RC3H1: variants seen among roughly 807,000 people sequenced by gnomAD.
RC3H1 encodes roquin-1.
RC3H1 carries 50 observed loss-of-function variants against 138.2 expected under a neutral mutation model. The ratio of observed to expected loss-of-function variants is 0.36; its 90% CI spans 0.29 to 0.46. The LOEUF is 0.46. Ranked by LOEUF, RC3H1 falls within the 20% of genes least tolerant of loss-of-function variation. The probability of loss-of-function intolerance (pLI) is 1.00; values close to 1 mark genes in which losing one functional copy is unlikely to be tolerated. For synonymous variants in RC3H1, 462 were observed against 489.1 expected (o/e 0.94, Z 0.73); for missense variants, 1,031 against 1,388.1 (o/e 0.74, Z 4.09).
chr1:173,962,083 G>A lies in RC3H1; in HGVS notation c.1844C>T (p.Thr615Ile), dbSNP rs1659911727. The change falls in exon 12 of 20, where the codon ACT becomes ATT. Residue 615 changes from threonine to isoleucine, a missense_variant. By Grantham distance (89) the Thr-to-Ile change is moderately conservative. Transcript: ENST00000367696. Reference sequence around the variant, plus strand: ...GCGGGACACACATTGTGGTGGTGGAGTATAATACATACCTGCACAATACAA... The same window carrying A: ...GCGGGACACACATTGTGGTGGTGGAATATAATACATACCTGCACAATACAA... ...PAPYQQGMYY[T>I]PPPQCVSRFV... 6 of 1,613,082 alleles carry A rather than the reference G, an allele frequency of 3.7e-6. No homozygotes were observed. The highest frequency in any genetic ancestry group is 2.7e-5 in the African/African-American group (2 of 74,882).
rs1658604394 is a variant in RC3H1, at chr1:173,936,744, TA to T, written c.*1976del. Reference sequence around the variant, plus strand: ...GAAAAAGCATACATATATATATATATATATATATATATATATATTTTTTTTT... The same window carrying T: ...GAAAAAGCATACATATATATATATATTATATATATATATATATTTTTTTTT... On this transcript the variant is annotated 3_prime_UTR_variant, in exon 20 of 20. Coordinates refer to ENST00000367696, the MANE Select transcript of RC3H1 (RefSeq NM_172071.4). 5 of 45,066 alleles carry T rather than the reference TA, an allele frequency of 1.1e-4. No individual in the cohort carries two copies. In the African/African-American group the frequency reaches 1.2e-3, roughly 10 times the overall value. The allele number at this position is 45,066 out of a possible 1,614,324, so 2.8% of individuals were successfully genotyped here. A position where few individuals can be genotyped will look rare whatever the true frequency, so the allele number is the denominator to read the frequency against.
Position 173,978,666 on chromosome 1 carries a change from TTAAATA to T in RC3H1, c.970-52_970-47del, listed in dbSNP as rs765088504. The T allele has an allele frequency of 1.2e-5, 18 of 1,550,404 alleles. No individual in the cohort carries two copies. The South Asian group carries it at 2.1e-4, about 18-fold the overall frequency. On this transcript the variant is annotated intron_variant, in intron 6 of 19. Transcript: ENST00000367696. ...ACTTTCCCAAAGGTCAGATAATCCT[TTAAATA>T]TAAAGATTATTTATATCACAATCAT...
chr1:173,931,894 T>G lies in RC3H1; in HGVS notation c.*6827A>C, dbSNP rs916390905. 1 of 152,088 alleles carries G rather than the reference T, an allele frequency of 6.6e-6. No homozygotes were observed. The highest frequency in any genetic ancestry group is 1.5e-5 in the Non-Finnish European group (1 of 68,000). The allele number at this position is 152,088 out of a possible 1,614,324, so 9.4% of individuals were successfully genotyped here. A position where few individuals can be genotyped will look rare whatever the true frequency, so the allele number is the denominator to read the frequency against. ...CAGCAATTAAAAAATCAGCTGTCAC[T>G]TTAAGGCTCAATTTTTTTTTTTCCT... On this transcript the variant is annotated 3_prime_UTR_variant, in exon 20 of 20. Transcript: ENST00000367696.
chr1:173,990,330 C>T (rs1213076458), intron 2 of RC3H1, among the ~76,000 whole-genome samples: 1 of 151,900 alleles, frequency 6.6e-6, no homozygotes, highest in Non-Finnish European at 1.5e-5. Flanking sequence ...CTGCTAGCCT[C>T]GGCCTCCCAA....
chr1:173,945,126 T>C (rs1357820688), intron 17 of RC3H1, among the ~76,000 whole-genome samples: 2 of 82,400 alleles, frequency 2.4e-5, no homozygotes, highest in African/African-American at 3.4e-4. Flanking sequence ...TAAAAATTCC[T>C]TTTTTTTTTT....
chr1:173,993,942 C>A (rs1168496092), intron 1 of RC3H1, among the ~76,000 whole-genome samples: 3 of 145,176 alleles, frequency 2.1e-5, no homozygotes, highest in African/African-American at 7.8e-5. Flanking sequence ...ATCGCTTAAA[C>A]CCGGGAGGCG....
chr1:174,004,854 T>A (rs1042812939), intron 1 of RC3H1, among the ~76,000 whole-genome samples: 1 of 151,346 alleles, frequency 6.6e-6, no homozygotes, highest in Non-Finnish European at 1.5e-5. Context: ...CAGAGTAACA[T>A]GCAAAGGCCC....
In RC3H1 at chr1:173,983,572, T is replaced by C. The variant is rs768595468; in HGVS notation, c.438A>G (p.Val146=). The C allele has an allele frequency of 6.2e-7, 1 of 1,614,212 alleles. No individual in the cohort carries two copies. The highest frequency in any genetic ancestry group is 8.5e-7 in the Non-Finnish European group (1 of 1,180,022). The part of the protein sequence containing the change: ...KLVTLVHCQL[V]EEEGRIRAMR... Reference sequence around the variant, plus strand: ...TGGCACGAATCCTGCCTTCTTCTTCTACTAGTTGACAGTGGACTAGAGTCA... The same window carrying C: ...TGGCACGAATCCTGCCTTCTTCTTCCACTAGTTGACAGTGGACTAGAGTCA... Residue 146 remains valine, a synonymous_variant, in exon 4 of 20, where the codon GTA becomes GTG. Transcript: ENST00000367696.
intron 18 of RC3H1, among the ~76,000 whole-genome samples, chr1:173,942,554 T>C (rs1658930512): frequency 1.3e-5 from 2 of 151,892 alleles, no homozygotes; most frequent in Admixed American, 1.3e-4. Flanking sequence ...GAAAACTGGC[T>C]GGGCGTGGTG....
intron 1 of RC3H1, chr1:174,016,181 A>C (rs1041907527): frequency 1.3e-5 from 2 of 152,160 alleles, no homozygotes; most frequent in African/African-American, 4.8e-5. Context: ...AGCCTGGGTG[A>C]CAGAGCAAGA....
In RC3H1 at chr1:173,933,560, A is replaced by C. The variant is rs1198805202; in HGVS notation, c.*5161T>G. On this transcript the variant is annotated 3_prime_UTR_variant, in exon 20 of 20. Transcript: ENST00000367696. ...GCTACAATTAATAGTACCTTTTGAC[A>C]AAAACAGCTTTCTTCTTGAAGTGGC... The C allele has an allele frequency of 1.3e-5, 2 of 152,166 alleles. No homozygotes were observed. The highest frequency in any genetic ancestry group is 1.3e-4 in the Admixed American group (2 of 15,282). 9.4% of individuals were successfully genotyped at this position (152,166 alleles called of 1,614,324 possible).
intron 9 of RC3H1, among the ~76,000 whole-genome samples, chr1:173,965,483 A>G (rs1396300729): frequency 6.6e-6 from 1 of 151,986 alleles, no homozygotes; most frequent in Non-Finnish European, 1.5e-5. Flanking sequence ...CCCAACTACT[A>G]GGGAGACTAA....
chr1:174,017,101 C>T (rs1402488021), intron 1 of RC3H1, among the ~76,000 whole-genome samples: 1 of 152,182 alleles, frequency 6.6e-6, no homozygotes, highest in East Asian at 1.9e-4. Context: ...TCACAGGGAT[C>T]AAAGAGCTTC....
At chr1:173,977,999 G>A (rs751362863) in intron 7 of RC3H1, among the ~76,000 whole-genome samples, 3 of 152,200 alleles carry the variant, frequency 2.0e-5, no homozygotes, top group Non-Finnish European at 4.4e-5. Context: ...GTAAGTGCAA[G>A]TTGAAAAATG....
intron 8 of RC3H1, 43 bp from the exon 9 acceptor site, chr1:173,970,660 C>A (rs576858525): frequency 4.1e-6 from 5 of 1,233,348 alleles, no homozygotes; most frequent in Admixed American, 4.1e-5. Flanking sequence ...TAACCCCCCA[C>A]AAAAAAACAT....
At chr1:173,993,300 C>T (rs952374238) in intron 1 of RC3H1, among the ~76,000 whole-genome samples, 165 bp from the exon 2 acceptor site, 1 of 145,718 alleles carries the variant, frequency 6.9e-6, no homozygotes, top group Non-Finnish European at 1.5e-5. Context: ...GATAGAACAT[C>T]TATTTCCATT....
At chr1:173,956,995 C>A (rs1317927043) in intron 13 of RC3H1, among the ~76,000 whole-genome samples, 2 of 151,912 alleles carry the variant, frequency 1.3e-5, no homozygotes, top group Non-Finnish European at 2.9e-5. Flanking sequence ...CTCACTGCAA[C>A]CTCCGCCTGC....
At chr1:174,017,783 C>CAAAAAAAAA (rs61239660) in intron 1 of RC3H1, among the ~76,000 whole-genome samples, 2,255 of 71,872 alleles carry the variant, frequency 0.031, 227 homozygotes, top group East Asian at 0.047. Flanking sequence ...TTTTCTTGCT[C>CAAAAAAAAA]AAAAAAAAAA....
chr1:173,978,709 A>G (rs1660681382), intron 6 of RC3H1, 89 bp from the exon 7 acceptor site: 2 of 1,341,456 alleles, frequency 1.5e-6, no homozygotes, highest in African/African-American at 3.0e-5. Flanking sequence ...TTTGCGATTT[A>G]TTAAATTTAA....
Sources: gnomAD v4.1 joint callset for allele counts (sites outside exome capture counted in the v4.1 genomes callset) on GRCh38, gnomAD v4.1.1 for gene constraint, MANE v1.5 for transcripts, NCBI Gene and HGNC (gene_info 2026-07-23, HGNC 2026-07-21) for gene names.